ST7L: variants seen among roughly 807,000 people sequenced by gnomAD.
The protein encoded by ST7L is suppression of tumorigenicity 7 like, also known as suppressor of tumorigenicity 7 protein-like.
In ST7L, 57 loss-of-function variants were observed where a neutral mutation model predicts 72.5. That is an observed-to-expected ratio of 0.79 (90% CI 0.64 to 0.98). The LOEUF (loss-of-function observed/expected upper bound fraction) is 0.98, where lower values mean the gene tolerates loss of function less well. Ranked by LOEUF, ST7L falls within the 50% of genes least tolerant of loss-of-function variation. The pLI, the probability that ST7L is intolerant of heterozygous loss-of-function variation, is 0.00. For synonymous variants in ST7L, 221 were observed against 240.9 expected (o/e 0.92, Z 0.77); for missense variants, 576 against 672.2 (o/e 0.86, Z 1.58).
intron 6 of ST7L, among the ~76,000 whole-genome samples, chr1:112,585,960 C>T (rs1050036748): frequency 4.6e-4 from 70 of 152,240 alleles, no homozygotes; most frequent in African/African-American, 1.7e-3. Context: ...AGGTAGCTAT[C>T]GTTAAGTGGG....
chr1:112,520,526 C>G (rs753194555), downstream of ST7L: 9 of 1,610,714 alleles, frequency 5.6e-6, no homozygotes, highest in South Asian at 9.9e-5. Flanking sequence ...AGATACCTCA[C>G]TCATCCCTCC....
chr1:112,550,437 T>G (rs1474934277), intron 13 of ST7L, among the ~76,000 whole-genome samples, 164 bp downstream of exon 13: 1 of 152,172 alleles, frequency 6.6e-6, no homozygotes, highest in African/African-American at 2.4e-5. Flanking sequence ...CAATAATTAT[T>G]AGGAAATAAA....
At chr1:112,569,957 C>CAAAA (rs750153250) in intron 11 of ST7L, among the ~76,000 whole-genome samples, 18 of 73,334 alleles carry the variant, frequency 2.5e-4, no homozygotes, top group African/African-American at 6.6e-4. Flanking sequence ...GATTCTGTCT[C>CAAAA]AAAAAAAAAA....
chr1:112,597,898 T>A (rs1666718318), intron 5 of ST7L, 73 bp downstream of exon 5: 1 of 1,098,116 alleles, frequency 9.1e-7, no homozygotes, highest in Non-Finnish European at 1.3e-6. Context: ...TATATTATAA[T>A]AAATAACTCT....
chr1:112,610,709 T>G, intron 3 of ST7L, 132 bp downstream of exon 3: 2 of 1,104,842 alleles, frequency 1.8e-6, no homozygotes, highest in Non-Finnish European at 2.6e-6. Context: ...TAACATCACA[T>G]TGGTGATTAG....
intron 6 of ST7L, among the ~76,000 whole-genome samples, chr1:112,590,161 C>T (rs1665476203): frequency 6.6e-6 from 1 of 152,200 alleles, no homozygotes. Flanking sequence ...GCCCTTTGAG[C>T]TAGTCCTTCA....
intron 14 of ST7L, among the ~76,000 whole-genome samples, chr1:112,534,022 T>TA (rs1654801846): frequency 6.6e-6 from 1 of 152,154 alleles, no homozygotes; most frequent in Admixed American, 6.5e-5. Flanking sequence ...CAAACAGACT[T>TA]AAACTGTGAA....
chr1:112,617,942 T>C, intron 1 of ST7L: 1 of 1,267,150 alleles, frequency 7.9e-7, no homozygotes, highest in South Asian at 1.3e-5. Flanking sequence ...TTTAGAGTGC[T>C]AGTTATATTT....
chr1:112,543,686 T>G (rs949490305), intron 13 of ST7L, among the ~76,000 whole-genome samples: 1 of 152,008 alleles, frequency 6.6e-6, no homozygotes, highest in African/African-American at 2.4e-5. Flanking sequence ...TTGGCCAACA[T>G]AGTGAAACCC....
chr1:112,530,618 T>C (rs1462962760), intron 14 of ST7L, among the ~76,000 whole-genome samples: 1 of 152,188 alleles, frequency 6.6e-6, no homozygotes, highest in Non-Finnish European at 1.5e-5. Context: ...TTTCACCATG[T>C]TGGCCAGGCT....
rs1343796565 is a variant in ST7L, at chr1:112,619,140, C to T, written c.-27G>A. The stretch of plus-strand genomic sequence containing the variant: ...TTGCCGCTATCGCAGGCGCCAGGAG[C>T]TGGGAGGGGAGAAGGACAGGAAACC... On this transcript the variant is annotated 5_prime_UTR_variant, in exon 1 of 15. Coordinates refer to ENST00000358039, the MANE Select transcript of ST7L (RefSeq NM_017744.5). 11 of 1,608,680 alleles carry T rather than the reference C, an allele frequency of 6.8e-6. No individual in the cohort carries two copies. The Admixed American group carries it at 1.5e-4, about 22-fold the overall frequency.
intron 11 of ST7L, among the ~76,000 whole-genome samples, chr1:112,569,616 T>C (rs1049636962): frequency 1.3e-5 from 2 of 152,230 alleles, no homozygotes; most frequent in African/African-American, 4.8e-5. Context: ...AACCACTGAA[T>C]TATATCCTTT....
chr1:112,541,566 T>G (rs1233198862), intron 14 of ST7L, among the ~76,000 whole-genome samples: 1 of 152,180 alleles, frequency 6.6e-6, no homozygotes, highest in East Asian at 1.9e-4. Context: ...CTCTTGAGTT[T>G]AAAGTTCAAC....
chr1:112,611,364 A>C (rs1486597052), intron 2 of ST7L, among the ~76,000 whole-genome samples: 3 of 152,246 alleles, frequency 2.0e-5, no homozygotes, highest in African/African-American at 7.2e-5. Context: ...ATAGTGGATG[A>C]ACAGACTAGA....
intron 5 of ST7L, among the ~76,000 whole-genome samples, chr1:112,595,001 A>G (rs1254421677): frequency 6.6e-6 from 1 of 152,194 alleles, no homozygotes; most frequent in Admixed American, 6.5e-5. Flanking sequence ...AATAATGATA[A>G]TAAAATTATA....
At chr1:112,527,713 C>A (rs1048735275) in intron 14 of ST7L, 1 of 152,546 alleles carries the variant, frequency 6.6e-6, no homozygotes, top group Non-Finnish European at 1.5e-5. Flanking sequence ...CTCACATCTA[C>A]TTCTTGAAGG....
At chr1:112,588,352 C>T (rs1028803174) in intron 6 of ST7L, among the ~76,000 whole-genome samples, 1 of 152,226 alleles carries the variant, frequency 6.6e-6, no homozygotes, top group African/African-American at 2.4e-5. Flanking sequence ...CAAGTGCAGA[C>T]ATCCTGCCTT....
At chr1:112,590,507 G>A (rs1330556897) in intron 6 of ST7L, among the ~76,000 whole-genome samples, 1 of 152,128 alleles carries the variant, frequency 6.6e-6, no homozygotes, top group Non-Finnish European at 1.5e-5. Flanking sequence ...ACCGTGGGAA[G>A]GTCTTCTTAA....
At chr1:112,597,719 A>G (rs1022459756) in intron 5 of ST7L, among the ~76,000 whole-genome samples, 5 of 152,212 alleles carry the variant, frequency 3.3e-5, no homozygotes, top group African/African-American at 7.2e-5. Flanking sequence ...CTGGAAAAGT[A>G]GTTGCTATAT....
Sources: allele counts gnomAD v4.1 joint callset (sites outside exome capture counted in the v4.1 genomes callset), GRCh38; gene constraint gnomAD v4.1.1; transcripts MANE v1.5; gene names NCBI Gene and HGNC (gene_info 2026-07-23, HGNC 2026-07-21).